RIPPLY3: variants seen among roughly 807,000 people sequenced by gnomAD.
RIPPLY3 encodes protein ripply3.
A neutral mutation model predicts 11.9 loss-of-function variants in RIPPLY3; 8 were observed. The observed-to-expected ratio is 0.67, with a 90% CI of 0.40 to 1.21. RIPPLY3 has a LOEUF of 1.21. Among genes scored for constraint, RIPPLY3 ranks in the 50% most tolerant of loss-of-function variants. The pLI, the probability that RIPPLY3 is intolerant of heterozygous loss-of-function variation, is 0.01. For synonymous variants in RIPPLY3, 102 were observed against 99.0 expected, an observed-to-expected ratio of 1.03 and a Z score of -0.18; for missense variants, 271 against 246.0, an observed-to-expected ratio of 1.10 and a Z score of -0.68.
Position 37,006,920 on chromosome 21 carries a change from C to A in RIPPLY3, c.104+44C>A. ...CCCGGTGGACGCGCTGAGAGGCGTG[C>A]GCGGTGGCGGTGCGGGGAGCGCAGC... is the stretch of plus-strand genomic sequence containing the variant. On this transcript the variant is annotated intron_variant, in intron 1 of 3. Transcript: ENST00000329553. The surrounding 1 kb of genome is among the most constrained non-coding windows in gnomAD (Gnocchi z 5.2). 1 of 1,102,222 alleles carries A rather than the reference C, an allele frequency of 9.1e-7. No homozygotes were observed. The highest frequency in any genetic ancestry group is 1.1e-6 in the Non-Finnish European group (1 of 874,130). 68.3% of individuals were successfully genotyped at this position (1,102,222 alleles called of 1,614,324 possible). A position where few individuals can be genotyped will look rare whatever the true frequency, so the allele number is the denominator to read the frequency against.
chr21:37,009,590 G>A (rs1227015491), intron 2 of RIPPLY3, among the ~76,000 whole-genome samples: 1 of 152,184 alleles, frequency 6.6e-6, no homozygotes, highest in Non-Finnish European at 1.5e-5. Context: ...AAAGGTGCTT[G>A]TGTGAGAATA....
At position 37,019,320 on chromosome 21, in the gene RIPPLY3, A is replaced by G. The variant is rs2069617004; in HGVS notation, c.*1113A>G. On this transcript the variant is annotated 3_prime_UTR_variant, in exon 4 of 4. Transcript: ENST00000329553. ...GAGTAACAGAAAGATAGGGATTTTT[A>G]GGAGACAATTAGATAAAAATGTATG... 6.7e-6 allele frequency: 1 copy of G among 150,218 alleles called. No homozygotes were observed. Among genetic ancestry groups the G allele is most frequent in the African/African-American group, 2.4e-5 (1 of 41,160 alleles). 9.3% of individuals were successfully genotyped at this position (150,218 alleles called of 1,614,324 possible).
At chr21:37,010,286 G>C (rs2069507995) in intron 2 of RIPPLY3, among the ~76,000 whole-genome samples, 2 of 152,106 alleles carry the variant, frequency 1.3e-5, no homozygotes, top group Non-Finnish European at 2.9e-5. Flanking sequence ...GAGGTCAGGA[G>C]TTCGAGACTG....
chr21:37,015,290 A>AGTAGCT (rs1198706592), intron 3 of RIPPLY3, among the ~76,000 whole-genome samples: 5 of 152,080 alleles, frequency 3.3e-5, no homozygotes, highest in African/African-American at 1.2e-4. Flanking sequence ...CAGCCTCCCA[A>AGTAGCT]GTAGCTGGAA....
chr21:37,013,462 T>C, intron 2 of RIPPLY3, 89 bp from the exon 3 acceptor site: 1 of 1,052,704 alleles, frequency 9.5e-7, no homozygotes, highest in Non-Finnish European at 1.4e-6. Context: ...CAACTGCAGA[T>C]GACTTACGTT....
At chr21:37,008,298 G>A (rs941700697) in intron 2 of RIPPLY3, 75 bp downstream of exon 2, 14 of 1,496,172 alleles carry the variant, frequency 9.4e-6, no homozygotes, top group South Asian at 2.3e-5. Context: ...TACAGGGACC[G>A]TGAATGGCCT....
At chr21:37,010,064 A>G (rs1426291079) in intron 2 of RIPPLY3, among the ~76,000 whole-genome samples, 2 of 152,210 alleles carry the variant, frequency 1.3e-5, no homozygotes, top group African/African-American at 4.8e-5. Flanking sequence ...CTCGCCCGAC[A>G]AAGCAGGACA....
intron 2 of RIPPLY3, among the ~76,000 whole-genome samples, chr21:37,013,300 A>T (rs1349918440): frequency 6.6e-6 from 1 of 152,086 alleles, no homozygotes; most frequent in Non-Finnish European, 1.5e-5. Context: ...TGTCCATTAG[A>T]TTGTAAAATG....
At chr21:37,017,615 C>G (rs1569287806) in intron 3 of RIPPLY3, among the ~76,000 whole-genome samples, 1 of 152,210 alleles carries the variant, frequency 6.6e-6, no homozygotes, top group Non-Finnish European at 1.5e-5. Flanking sequence ...GAAGCACACC[C>G]TCTTCCTTGC....
intron 3 of RIPPLY3, among the ~76,000 whole-genome samples, chr21:37,016,343 G>A (rs1338430395): frequency 2.0e-5 from 3 of 152,096 alleles, no homozygotes; most frequent in African/African-American, 4.8e-5. Context: ...CCTCGAGGTC[G>A]AGAACCATTG....
intron 3 of RIPPLY3, among the ~76,000 whole-genome samples, chr21:37,017,118 A>T (rs1819262802): frequency 7.3e-6 from 1 of 137,660 alleles, no homozygotes; most frequent in Non-Finnish European, 1.6e-5. Flanking sequence ...GCGCCACTGC[A>T]CTCCAGCCTG....
rs1306639502 is a variant in RIPPLY3, at chr21:37,018,691, A to G, written c.*484A>G. On this transcript the variant is annotated 3_prime_UTR_variant, in exon 4 of 4. Coordinates refer to ENST00000329553, the MANE Select transcript of RIPPLY3 (RefSeq NM_018962.3). ...GTAGCATTTTGGAAAAAAAAGAAAAAAAGGTTTGGTTTGGTTTTGTGACGG... is the reference window on the plus strand; with the variant it reads ...GTAGCATTTTGGAAAAAAAAGAAAAGAAGGTTTGGTTTGGTTTTGTGACGG... The G allele has an allele frequency of 6.5e-6, 1 of 153,106 alleles. No homozygotes were observed. Among genetic ancestry groups the G allele is most frequent in the Admixed American group, 6.5e-5 (1 of 15,378 alleles). The allele number at this position is 153,106 out of a possible 1,614,324, so 9.5% of individuals were successfully genotyped here.
chr21:37,015,627 C>T (rs1371552173), intron 3 of RIPPLY3, among the ~76,000 whole-genome samples: 1 of 152,136 alleles, frequency 6.6e-6, no homozygotes, highest in Non-Finnish European at 1.5e-5. Flanking sequence ...CCCCATGTAC[C>T]CATCACCGGC....
Position 37,019,280 on chromosome 21 carries a change from A to G in RIPPLY3, c.*1073A>G, listed in dbSNP as rs1334043093. On this transcript the variant is annotated 3_prime_UTR_variant, in exon 4 of 4. Coordinates refer to ENST00000329553, the MANE Select transcript of RIPPLY3 (RefSeq NM_018962.3). ...ACTCCGTCTCAAAAAAAAAAAAAAA[A>G]AAAAAGAAAGAAAAGAGTAACAGAA... 7 of 151,514 alleles carry G rather than the reference A, an allele frequency of 4.6e-5. No individual in the cohort carries two copies. Among genetic ancestry groups the G allele is most frequent in the Non-Finnish European group, 1.0e-4 (7 of 68,176 alleles). 9.4% of individuals were successfully genotyped at this position (151,514 alleles called of 1,614,324 possible).
intron 2 of RIPPLY3, 82 bp from the exon 3 acceptor site, chr21:37,013,468 AC>A: frequency 8.6e-7 from 1 of 1,156,298 alleles, no homozygotes; most frequent in South Asian, 1.4e-5. Context: ...CAGATGACTT[AC>A]GTTCTGTGGT....
chr21:37,008,196 T>C lies in RIPPLY3; in HGVS notation c.144T>C (p.Asp48=), dbSNP rs749123814. The C allele has an allele frequency of 6.2e-7, 1 of 1,614,184 alleles. No homozygotes were observed. Among genetic ancestry groups the C allele is most frequent in the South Asian group, 1.1e-5 (1 of 91,086 alleles). Residue 48 remains aspartate (D), a synonymous_variant, in exon 2 of 4, where the codon GAT becomes GAC. Transcript: ENST00000329553. ...PWRPWIQTPG[D]AELTRTGRPL... ...GACCTTGGATCCAGACACCTGGAGA[T>C]GCTGAGCTGACCAGAACTGGAAGGC...
intron 2 of RIPPLY3, among the ~76,000 whole-genome samples, chr21:37,011,160 G>C (rs1206727783): frequency 6.6e-6 from 1 of 152,002 alleles, no homozygotes; most frequent in African/African-American, 2.4e-5. Context: ...GCGCCACCAC[G>C]CCCGGCTAAT....
chr21:37,006,972 C>A lies in RIPPLY3; in HGVS notation c.104+96C>A, dbSNP rs2069470948. 2 of 691,874 alleles carry A rather than the reference C, an allele frequency of 2.9e-6. No individual in the cohort carries two copies. Among genetic ancestry groups the A allele is most frequent in the Non-Finnish European group, 4.0e-6 (2 of 505,180 alleles). The allele number at this position is 691,874 out of a possible 1,614,324, so 42.9% of individuals were successfully genotyped here. A position where few individuals can be genotyped will look rare whatever the true frequency, so the allele number is the denominator to read the frequency against. On this transcript the variant is annotated intron_variant, in intron 1 of 3. Coordinates refer to ENST00000329553, the MANE Select transcript of RIPPLY3 (RefSeq NM_018962.3). The surrounding 1 kb of genome is among the most constrained non-coding windows in gnomAD (Gnocchi z 5.2). ...AGCGGGAGGCTGGGGCGCTGCTGAA[C>A]CCCCGATCCCCAGCGGAGCTCCGGA...
intron 1 of RIPPLY3, 124 bp from the exon 2 acceptor site, chr21:37,008,033 G>A (rs2069482862): frequency 2.1e-6 from 2 of 939,742 alleles, no homozygotes; most frequent in Admixed American, 2.4e-5. Context: ...TCCAGGGAAA[G>A]TTCCTGGGGG....
Sources: gnomAD v4.1 joint callset for allele counts (sites outside exome capture counted in the v4.1 genomes callset) on GRCh38, gnomAD v4.1.1 for gene constraint, Gnocchi (gnomAD v3.1) non-coding constraint, MANE v1.5 for transcripts, NCBI Gene and HGNC (gene_info 2026-07-23, HGNC 2026-07-21) for gene names.